Variants in DSTYK observed in about 807,000 individuals in gnomAD.
DSTYK encodes the protein dual serine/threonine and tyrosine protein kinase.
DSTYK carries 34 observed loss-of-function variants against 98.7 expected under a neutral mutation model. The observed-to-expected ratio is 0.34, with a 90% CI of 0.26 to 0.46. The LOEUF (loss-of-function observed/expected upper bound fraction) is 0.46. Ranked by LOEUF, DSTYK falls within the 20% of genes least tolerant of loss-of-function variation. The probability of loss-of-function intolerance (pLI) is 1.00; values close to 1 mark genes in which losing one functional copy is unlikely to be tolerated. For missense variants in DSTYK, 962 were observed against 1,181.7 expected (o/e 0.81, Z 2.73); for synonymous variants, 462 against 457.3 (o/e 1.01, Z -0.13).
At chr1:205,178,333 C>CTCTATGCA (rs1658292597) in intron 2 of DSTYK, among the ~76,000 whole-genome samples, 1 of 151,994 alleles carries the variant, frequency 6.6e-6, no homozygotes, top group Non-Finnish European at 1.5e-5. Flanking sequence ...ATTGAATGGT[C>CTCTATGCA]TCTATGCATT....
intron 10 of DSTYK, among the ~76,000 whole-genome samples, chr1:205,156,048 T>C (rs573574314): frequency 1.3e-5 from 2 of 152,332 alleles, no homozygotes; most frequent in East Asian, 1.9e-4. Context: ...TGCAGGTGCA[T>C]AGAAATCAAG....
chr1:205,149,114 G>A (rs1195651366), intron 11 of DSTYK, among the ~76,000 whole-genome samples: 1 of 151,834 alleles, frequency 6.6e-6, no homozygotes, highest in Non-Finnish European at 1.5e-5. Context: ...GTTGGTCAGG[G>A]TAGTCTTGAA....
At chr1:205,179,543 C>T (rs982616635) in intron 2 of DSTYK, among the ~76,000 whole-genome samples, 43 of 151,528 alleles carry the variant, frequency 2.8e-4, no homozygotes, top group South Asian at 1.5e-3. Flanking sequence ...ATGGTGTGAA[C>T]CCGGGAGGCA....
At chr1:205,198,833 G>GC in intron 1 of DSTYK, among the ~76,000 whole-genome samples, 1 of 107,404 alleles carries the variant, frequency 9.3e-6, no homozygotes, top group East Asian at 2.3e-4. Flanking sequence ...AGGCACTAAA[G>GC]CTTTTTTTTT....
rs973118928 is a variant in DSTYK at position 205,211,641 on chromosome 1, C to T, written c.-106G>A. 3.7e-6 allele frequency: 5 copies of T among 1,352,558 alleles called. No individual in the cohort carries two copies. The highest frequency in any genetic ancestry group is 3.1e-5 in the African/African-American group (2 of 64,578). 83.8% of individuals were successfully genotyped at this position (1,352,558 alleles called of 1,614,324 possible). On this transcript the variant is annotated 5_prime_UTR_variant, in exon 1 of 13. Coordinates refer to ENST00000367162, the MANE Select transcript of DSTYK (RefSeq NM_015375.3). ...GGGAGGAGGAATCCGCCTCCTGACGCCCCCGCCTGCAGTCAGCCTGGCTCC... is the reference window on the plus strand; with the variant it reads ...GGGAGGAGGAATCCGCCTCCTGACGTCCCCGCCTGCAGTCAGCCTGGCTCC...
intron 9 of DSTYK, among the ~76,000 whole-genome samples, chr1:205,158,156 AG>A (rs1657615912): frequency 6.6e-6 from 1 of 152,204 alleles, no homozygotes; most frequent in Non-Finnish European, 1.5e-5. Flanking sequence ...AAAAGCTCAA[AG>A]GACATTCTCT....
intron 2 of DSTYK, among the ~76,000 whole-genome samples, chr1:205,186,533 A>C (rs1014954973): frequency 5.2e-4 from 79 of 152,014 alleles, no homozygotes; most frequent in Admixed American, 9.2e-4. Context: ...AGAAGAAACC[A>C]CTCTTTCAGG....
chr1:205,159,046 C>T lies in DSTYK; in HGVS notation c.2238+501G>A, dbSNP rs375415655. Among the ~76,000 whole-genome samples, 26 of 152,092 alleles carry T rather than the reference C, an allele frequency of 1.7e-4. No individual in the cohort carries two copies. The East Asian group carries it at 2.5e-3, about 15-fold the overall frequency. On this transcript the variant is annotated intron_variant, in intron 9 of 12. Coordinates refer to ENST00000367162, the MANE Select transcript of DSTYK (RefSeq NM_015375.3). ...TGAGTGGTGATGACAGTATTCTGGG[C>T]ATATAATGGGGTGAAAATAGGTTCT...
intron 1 of DSTYK, chr1:205,202,826 A>G: frequency 2.0e-6 from 1 of 499,840 alleles, no homozygotes; most frequent in Middle Eastern, 5.8e-4. Flanking sequence ...AATCTGTATG[A>G]GCAGAGCCTA....
intron 10 of DSTYK, among the ~76,000 whole-genome samples, chr1:205,155,668 TTAAAAAAAAGAAAGGA>T (rs963255485): frequency 6.8e-5 from 10 of 147,784 alleles, no homozygotes; most frequent in African/African-American, 2.3e-4. Context: ...AAAAAAATTT[TTAAAAAAAAGAAAGGA>T]AAAAAAAAAG....
At chr1:205,164,684 A>T (rs1657835947) in intron 3 of DSTYK, among the ~76,000 whole-genome samples, 1 of 152,022 alleles carries the variant, frequency 6.6e-6, no homozygotes, top group African/African-American at 2.4e-5. Context: ...GATGGTCTCG[A>T]TCTCCTGACC....
chr1:205,187,891 A>T, intron 1 of DSTYK, 85 bp from the exon 2 acceptor site: 1 of 1,317,348 alleles, frequency 7.6e-7, no homozygotes, highest in East Asian at 2.5e-5. Flanking sequence ...CTCACGCAGA[A>T]ATCCCATGAG....
Position 205,147,725 on chromosome 1 carries a change from G to T in DSTYK, c.2623C>A (p.Pro875Thr). 6.2e-7 allele frequency: 1 copy of T among 1,613,900 alleles called. No individual in the cohort carries two copies. The highest frequency in any genetic ancestry group is 8.5e-7 in the Non-Finnish European group (1 of 1,179,910). Residue 875 changes from proline (P) to threonine (T), a missense_variant, in exon 13 of 13, where the codon CCT becomes ACT. Pro to Thr is a conservative substitution (Grantham distance 38). Coordinates refer to ENST00000367162, the MANE Select transcript of DSTYK (RefSeq NM_015375.3). ...TGCCAGCACTCCTCATCAAACACAGGAAGACGTTCTGGGCGAGCCCCTAGA... is the reference window on the plus strand; with the variant it reads ...TGCCAGCACTCCTCATCAAACACAGTAAGACGTTCTGGGCGAGCCCCTAGA... ...VRRGARPERLPVFDEECWQLM... is the reference protein window; with the variant it reads ...VRRGARPERLTVFDEECWQLM...
chr1:205,165,701 T>C (rs12048416), intron 3 of DSTYK, among the ~76,000 whole-genome samples: 45,533 of 152,148 alleles, frequency 0.3, 7,244 homozygotes, highest in South Asian at 0.41. Context: ...GAATTCTTTT[T>C]CTTGAGATAT....
At position 205,192,181 on chromosome 1, in the gene DSTYK, A is replaced by T. The variant is rs531793811; in HGVS notation, c.266-4375T>A. On this transcript the variant is annotated intron_variant, in intron 1 of 12. Coordinates refer to ENST00000367162, the MANE Select transcript of DSTYK (RefSeq NM_015375.3). ...ATGTATTGATCACTTTATTTGCTTCATTTCATTTAATGCTCACAATTCTAC... is the reference window on the plus strand; with the variant it reads ...ATGTATTGATCACTTTATTTGCTTCTTTTCATTTAATGCTCACAATTCTAC... Among the ~76,000 whole-genome samples the T allele has an allele frequency of 3.3e-5, 5 of 152,232 alleles. No homozygotes were observed. In the South Asian group the frequency reaches 1.0e-3, roughly 32 times the overall value.
intron 9 of DSTYK, among the ~76,000 whole-genome samples, chr1:205,158,069 G>A (rs1483035615): frequency 1.3e-5 from 2 of 152,134 alleles, no homozygotes; most frequent in Non-Finnish European, 2.9e-5. Context: ...TGGTTTTATG[G>A]ATTCAAATAC....
chr1:205,156,777 AG>A (rs1439723176), intron 10 of DSTYK, among the ~76,000 whole-genome samples: 1 of 152,142 alleles, frequency 6.6e-6, no homozygotes, highest in African/African-American at 2.4e-5. Flanking sequence ...GAGATCTGGG[AG>A]GGGCCAGGGG....
At chr1:205,198,830 A>G (rs965387215) in intron 1 of DSTYK, among the ~76,000 whole-genome samples, 11 of 119,114 alleles carry the variant, frequency 9.2e-5, no homozygotes, top group African/African-American at 3.7e-4. Flanking sequence ...ATAAGGCACT[A>G]AAGCTTTTTT....
intron 7 of DSTYK, among the ~76,000 whole-genome samples, chr1:205,160,585 C>T (rs780759788): frequency 3.9e-5 from 6 of 152,086 alleles, no homozygotes; most frequent in Non-Finnish European, 7.4e-5. Flanking sequence ...ATCCACCCAC[C>T]GTGGCCTCCC....
Sources: allele counts gnomAD v4.1 joint callset (sites outside exome capture counted in the v4.1 genomes callset), GRCh38; gene constraint gnomAD v4.1.1; transcripts MANE v1.5; gene names NCBI Gene and HGNC (gene_info 2026-07-23, HGNC 2026-07-21).